Variants in TTBK1 observed in about 807,000 individuals in gnomAD.
The protein encoded by TTBK1 is tau-tubulin kinase 1.
In TTBK1, 34 loss-of-function variants were observed where a neutral mutation model predicts 108.5. The observed-to-expected ratio is 0.31, with a 90% CI of 0.24 to 0.42. The LOEUF is 0.42. Ranked by LOEUF, TTBK1 falls within the 10% of genes least tolerant of loss-of-function variation. The pLI is 1.00. For missense variants in TTBK1, 1,539 were observed against 1,826.0 expected, an observed-to-expected ratio of 0.84 and a Z score of 2.86; for synonymous variants, 809 against 795.1, an observed-to-expected ratio of 1.02 and a Z score of -0.29.
In TTBK1 at chr6:43,263,122, G is replaced by A; in HGVS notation, c.1758G>A (p.Arg586=). The A allele has an allele frequency of 6.4e-7, 1 of 1,567,016 alleles. No homozygotes were observed. The highest frequency in any genetic ancestry group is 1.3e-5 in the African/African-American group (1 of 74,136). The change falls in exon 13 of 15, where the codon CGG becomes CGA. Residue 586 remains arginine (R), a synonymous_variant. Transcript: ENST00000259750. The surrounding 1 kb of genome is among the most constrained non-coding windows in gnomAD (Gnocchi z 4.7). ...CCGAGGAGGGCGAAGAGCGGCGGCG[G>A]CTGGGGGCAGAGCCCACCGTCCGGC... ...PLPEEGEERR[R]LGAEPTVRPR...
At chr6:43,256,317 T>G (rs62415365) in intron 9 of TTBK1, among the ~76,000 whole-genome samples, 48,283 of 151,736 alleles carry the variant, frequency 0.32, 7,731 homozygotes, top group East Asian at 0.36. Flanking sequence ...TGTATTTTTA[T>G]TTGAGATGGG....
At chr6:43,251,703 G>T (rs1205819723) in intron 2 of TTBK1, among the ~76,000 whole-genome samples, 1 of 152,198 alleles carries the variant, frequency 6.6e-6, no homozygotes, top group Non-Finnish European at 1.5e-5. Flanking sequence ...GGCTGGAGGG[G>T]GGAGACGAGA....
chr6:43,271,916 C>A, intron 13 of TTBK1: 1 of 982,902 alleles, frequency 1.0e-6, no homozygotes, highest in Non-Finnish European at 1.2e-6. Flanking sequence ...CTCCCCAAAC[C>A]CAAGCCTCTG....
At chr6:43,268,022 T>G (rs192106446) in intron 13 of TTBK1, among the ~76,000 whole-genome samples, 7 of 152,192 alleles carry the variant, frequency 4.6e-5, no homozygotes, top group African/African-American at 1.7e-4. Context: ...CAGAGCACTC[T>G]TATCTGCTAG....
At chr6:43,249,952 C>T (rs889114454) in intron 2 of TTBK1, among the ~76,000 whole-genome samples, 1 of 150,634 alleles carries the variant, frequency 6.6e-6, no homozygotes, top group Non-Finnish European at 1.5e-5. Context: ...CACTGTGTCT[C>T]ATGGATAAGT....
At position 43,286,652 on chromosome 6, in the gene TTBK1, C is replaced by G. The variant is rs1415528312; in HGVS notation, c.*1276C>G. 2.0e-5 allele frequency: 3 copies of G among 152,684 alleles called. No individual in the cohort carries two copies. Among genetic ancestry groups the G allele is most frequent in the Non-Finnish European group, 4.4e-5 (3 of 68,314 alleles). 9.5% of individuals were successfully genotyped at this position (152,684 alleles called of 1,614,324 possible). On this transcript the variant is annotated 3_prime_UTR_variant, in exon 15 of 15. Coordinates refer to ENST00000259750, the MANE Select transcript of TTBK1 (RefSeq NM_032538.3). This position sits in a 1 kb window ranked among gnomAD's most constrained non-coding sequence, Gnocchi z 4.6. ...CAAGCCCACTCTTCCCTCAGCTCACCCTTCAGCCTGTTCCTTCTTGCCCTG... is the reference window on the plus strand; with the variant it reads ...CAAGCCCACTCTTCCCTCAGCTCACGCTTCAGCCTGTTCCTTCTTGCCCTG...
At position 43,272,095 on chromosome 6, in the gene TTBK1, A is replaced by G. The variant is rs1777849368; in HGVS notation, c.1986+8745A>G. The G allele has an allele frequency of 4.1e-6, 4 of 985,336 alleles. No homozygotes were observed. In the South Asian group the frequency reaches 1.9e-4, roughly 46 times the overall value. The allele number at this position is 985,336 out of a possible 1,614,324, so 61.0% of individuals were successfully genotyped here. ...CCTGCTGGCACTGCCTCCCCCAGCC[A>G]CCTCCTCTTGCCCTCTTCCCATCCA... On this transcript the variant is annotated intron_variant, in intron 13 of 14. Transcript: ENST00000259750.
intron 13 of TTBK1, among the ~76,000 whole-genome samples, chr6:43,280,679 C>T (rs1294750714): frequency 6.6e-6 from 1 of 152,166 alleles, no homozygotes; most frequent in Non-Finnish European, 1.5e-5. Context: ...CCTATAAATA[C>T]ACGCATGTAG....
chr6:43,281,594 C>T (rs1341537139), intron 13 of TTBK1, among the ~76,000 whole-genome samples: 1 of 152,026 alleles, frequency 6.6e-6, no homozygotes, highest in Non-Finnish European at 1.5e-5. Context: ...GTAGCAGACA[C>T]AGAGAAGTTT....
At position 43,265,948 on chromosome 6, in the gene TTBK1, C is replaced by T. The variant is rs1777666066; in HGVS notation, c.1986+2598C>T. Among the ~76,000 whole-genome samples, 1 of 152,088 alleles carries T rather than the reference C, an allele frequency of 6.6e-6. No homozygotes were observed. The highest frequency in any genetic ancestry group is 2.4e-5 in the African/African-American group (1 of 41,382). On this transcript the variant is annotated intron_variant, in intron 13 of 14. Coordinates refer to ENST00000259750, the MANE Select transcript of TTBK1 (RefSeq NM_032538.3). The surrounding 1 kb of genome is among the most constrained non-coding windows in gnomAD (Gnocchi z 4.1). ...CTACCTGTGTCCTGGGACTCATCCTCACTTTGGGGAATTCTGGCCAAGCGG... is the reference window on the plus strand; with the variant it reads ...CTACCTGTGTCCTGGGACTCATCCTTACTTTGGGGAATTCTGGCCAAGCGG...
chr6:43,283,961 C>A lies in TTBK1; in HGVS notation c.3221C>A (p.Ser1074Ter). ...DTGSEPSGSL[S>*]AKERWSKRAR... The stretch of plus-strand genomic sequence containing the variant: ...GGCTCGGAGCCCTCAGGCTCACTGT[C>A]GGCCAAAGAGCGGTGGAGCAAGCGG... The change falls in exon 14 of 15, where the codon TCG becomes TAG. Residue 1074 changes from serine (S) to a stop codon, truncating the protein, a stop_gained. Coordinates refer to ENST00000259750, the MANE Select transcript of TTBK1 (RefSeq NM_032538.3). LOFTEE classifies it high-confidence loss of function. This position sits in a 1 kb window ranked among gnomAD's most constrained non-coding sequence, Gnocchi z 8.1. The A allele has an allele frequency of 6.2e-7, 1 of 1,612,274 alleles. No homozygotes were observed. The highest frequency in any genetic ancestry group is 8.5e-7 in the Non-Finnish European group (1 of 1,179,154).
chr6:43,271,342 G>A, intron 13 of TTBK1: 1 of 985,466 alleles, frequency 1.0e-6, no homozygotes, highest in Non-Finnish European at 1.2e-6. Flanking sequence ...GAATGCTCAG[G>A]CTGTGCACTG....
At position 43,258,830 on chromosome 6, in the gene TTBK1, T is replaced by C. The variant is rs1777444917; in HGVS notation, c.1017-208T>C. On this transcript the variant is annotated intron_variant, in intron 10 of 14. Transcript: ENST00000259750. The stretch of plus-strand genomic sequence containing the variant: ...AGAGCTAGATGGCTACATCTCCTTG[T>C]GGCCCCTGCCAACTTGAGGGTCGTC... Among the ~76,000 whole-genome samples, 9 of 152,202 alleles carry C rather than the reference T, an allele frequency of 5.9e-5. No individual in the cohort carries two copies. In the South Asian group the frequency reaches 1.9e-3, roughly 31 times the overall value.
At position 43,262,873 on chromosome 6, in the gene TTBK1, C is replaced by T. The variant is rs1458758686; in HGVS notation, c.1509C>T (p.His503=). Residue 503 remains histidine, a synonymous_variant, in exon 13 of 15, where the codon CAC becomes CAT. Transcript: ENST00000259750. ...AGATGCTGTCAGTGGACACAGGCCA[C>T]GCTGACCGACAGGCCAGTGGCCGCA... ...PAQMLSVDTG[H]ADRQASGRMD... The T allele has an allele frequency of 1.9e-6, 3 of 1,612,708 alleles. No individual in the cohort carries two copies. The highest frequency in any genetic ancestry group is 2.2e-5 in the East Asian group (1 of 44,840).
At position 43,282,656 on chromosome 6, in the gene TTBK1, G is replaced by C; in HGVS notation, c.1987-71G>C. On this transcript the variant is annotated intron_variant, in intron 13 of 14. Transcript: ENST00000259750. This position sits in a 1 kb window ranked among gnomAD's most constrained non-coding sequence, Gnocchi z 5.4. ...GGCCTGTGAGTCTCCTAGGTTGTGG[G>C]TGCAGCTGAAGTCTTCCTGGGCCCA... The C allele has an allele frequency of 7.6e-7, 1 of 1,323,694 alleles. No homozygotes were observed. Among genetic ancestry groups the C allele is most frequent in the South Asian group, 1.4e-5 (1 of 73,684 alleles). The allele number at this position is 1,323,694 out of a possible 1,614,324, so 82.0% of individuals were successfully genotyped here. A position where few individuals can be genotyped will look rare whatever the true frequency, so the allele number is the denominator to read the frequency against.
In TTBK1 at chr6:43,283,921, T is replaced by C. The variant is rs867341878; in HGVS notation, c.3181T>C (p.Ser1061Pro). The change falls in exon 14 of 15, where the codon TCT becomes CCT. Residue 1061 changes from serine (S) to proline (P), a missense_variant. Physicochemically the swap from Ser to Pro is moderately conservative, Grantham distance 74. This residue lies in a region of TTBK1 where 1,055 missense variants were observed against 1,086.5 expected (regional missense o/e 0.97). Transcript: ENST00000259750. This position sits in a 1 kb window ranked among gnomAD's most constrained non-coding sequence, Gnocchi z 8.1. ...CAGGAGCCGTATCCCTGTCCTGCTC[T>C]CTGAGGAGGACACGGGCTCGGAGCC... is the stretch of plus-strand genomic sequence containing the variant. ...RPRSRIPVLL[S>P]EEDTGSEPSG... 1 of 1,612,956 alleles carries C rather than the reference T, an allele frequency of 6.2e-7. No homozygotes were observed. Among genetic ancestry groups the C allele is most frequent in the African/African-American group, 1.3e-5 (1 of 74,932 alleles).
chr6:43,278,165 G>A (rs183494966), intron 13 of TTBK1, among the ~76,000 whole-genome samples: 1 of 152,338 alleles, frequency 6.6e-6, no homozygotes, highest in African/African-American at 2.4e-5. Context: ...CAGTGTCGGT[G>A]TCAGAGAAGT....
intron 13 of TTBK1, among the ~76,000 whole-genome samples, chr6:43,274,949 C>T (rs1288294675): frequency 6.6e-6 from 1 of 152,168 alleles, no homozygotes; most frequent in South Asian, 2.1e-4. Context: ...CCTAGACTCT[C>T]CTCCGCTTGG....
At position 43,283,359 on chromosome 6, in the gene TTBK1, G is replaced by A; in HGVS notation, c.2619G>A (p.Gln873=). 3.8e-6 allele frequency: 6 copies of A among 1,596,950 alleles called. No homozygotes were observed. Among genetic ancestry groups the A allele is most frequent in the Non-Finnish European group, 5.1e-6 (6 of 1,171,782 alleles). ...AALTPQHERP[Q]PTGSQLDVSE... is the part of the protein sequence containing the mutation. ...TCACTCCTCAGCATGAGCGGCCCCA[G>A]CCCACGGGCAGCCAGCTGGACGTAT... Residue 873 remains glutamine, a synonymous_variant, in exon 14 of 15, where the codon CAG becomes CAA. Coordinates refer to ENST00000259750, the MANE Select transcript of TTBK1 (RefSeq NM_032538.3). The surrounding 1 kb of genome is among the most constrained non-coding windows in gnomAD (Gnocchi z 8.1).
Sources: gnomAD v4.1 joint callset for allele counts (sites outside exome capture counted in the v4.1 genomes callset) on GRCh38, gnomAD v4.1.1 for gene constraint, gnomAD v4.1.1 regional missense constraint, Gnocchi (gnomAD v3.1) non-coding constraint, MANE v1.5 for transcripts, NCBI Gene and HGNC (gene_info 2026-07-23, HGNC 2026-07-21) for gene names.